MED1: variants seen among roughly 807,000 people sequenced by gnomAD.
MED1 encodes the protein mediator of RNA polymerase II transcription subunit 1.
In MED1, 17 loss-of-function variants were observed where a neutral mutation model predicts 121.3. That is an observed-to-expected ratio of 0.14 (90% CI 0.10 to 0.21). The LOEUF is 0.21. Among genes scored for constraint, MED1 ranks in the 10% least tolerant of loss-of-function variants. The pLI is 1.00. For missense variants in MED1, 1,558 were observed against 1,919.4 expected (o/e 0.81, Z 3.52); for synonymous variants, 661 against 694.4 (o/e 0.95, Z 0.76).
intron 6 of MED1, among the ~76,000 whole-genome samples, chr17:39,437,151 C>T (rs1331270438): frequency 1.3e-5 from 2 of 152,146 alleles, no homozygotes; most frequent in African/African-American, 4.8e-5. Flanking sequence ...AGGCTGGTCT[C>T]GAACTCCTGA....
chr17:39,446,194 T>C (rs2048725295), intron 2 of MED1, among the ~76,000 whole-genome samples: 2 of 151,982 alleles, frequency 1.3e-5, no homozygotes, highest in South Asian at 4.1e-4. Context: ...GCTACGCCTG[T>C]AATCCCAGCA....
At position 39,410,193 on chromosome 17, in the gene MED1, G is replaced by A. The variant is rs867557488; in HGVS notation, c.2028C>T (p.Pro676=). Residue 676 remains proline (P), a synonymous_variant, in exon 17 of 17, where the codon CCC becomes CCT. Transcript: ENST00000300651. ...TGCTCCCCGAGCATATTTCCATGCG[G>A]GGTGAGCCGGAAGAGGAGTTCTGCC... ...LERQNSSSGS[P]RMEICSGSNK... 2 of 1,613,930 alleles carry A rather than the reference G, an allele frequency of 1.2e-6. No individual in the cohort carries two copies. The highest frequency in any genetic ancestry group is 2.2e-5 in the East Asian group (1 of 44,898).
chr17:39,417,302 C>A (rs1410979697), intron 14 of MED1, among the ~76,000 whole-genome samples: 1 of 150,878 alleles, frequency 6.6e-6, no homozygotes, highest in Non-Finnish European at 1.5e-5. Flanking sequence ...TGCACTCCAG[C>A]CTGGGTGACC....
In MED1 at chr17:39,445,906, G is replaced by A. The variant is rs189612261; in HGVS notation, c.132+1892C>T. Among the ~76,000 whole-genome samples, 128 of 151,810 alleles carry A rather than the reference G, an allele frequency of 8.4e-4. 2 individuals carry two copies. The highest frequency in any genetic ancestry group is 2.7e-3 in the African/African-American group (111 of 41,396). ...TAACTGGGCATGGTGGCGGATGCCT[G>A]TAATACCAGCTACTCAGGAGGCTGG... On this transcript the variant is annotated intron_variant, in intron 2 of 16. Coordinates refer to ENST00000300651, the MANE Select transcript of MED1 (RefSeq NM_004774.4).
At chr17:39,419,064 C>CGTGAGCCACCACACCTGGCCATCATCTGT (rs1448132066) in intron 14 of MED1, among the ~76,000 whole-genome samples, 1 of 152,028 alleles carries the variant, frequency 6.6e-6, no homozygotes, top group African/African-American at 2.4e-5. Flanking sequence ...GGATTACAGG[C>CGTGAGCCACCACACCTGGCCATCATCTGT]ACAAACCACT....
At position 39,410,320 on chromosome 17, in the gene MED1, G is replaced by A. The variant is rs769487771; in HGVS notation, c.1901C>T (p.Ser634Leu). Reference sequence around the variant, plus strand: ...GTGGTTCTTGGTGTTGCCGGCCATCGAAGAGACAGGTGGCGGCGTGTGATG... The same window carrying A: ...GTGGTTCTTGGTGTTGCCGGCCATCAAAGAGACAGGTGGCGGCGTGTGATG... ...PPHHTPPPVS[S>L]MAGNTKNHPM... The change falls in exon 17 of 17, where the codon TCG becomes TTG. Residue 634 changes from serine (S) to leucine (L), a missense_variant. Ser to Leu is a moderately radical substitution (Grantham distance 145). Around this residue, in one of 5 missense-constraint regions of MED1, gnomAD observed 793 missense variants for 898.2 expected, o/e 0.88. Transcript: ENST00000300651. The A allele has an allele frequency of 9.3e-6, 15 of 1,613,942 alleles. No homozygotes were observed. The highest frequency in any genetic ancestry group is 3.3e-5 in the South Asian group (3 of 91,028).
Position 39,406,678 on chromosome 17 carries a change from C to A in MED1, c.*797G>T, listed in dbSNP as rs914649502. 1.0e-6 allele frequency: 1 copy of A among 984,046 alleles called. No homozygotes were observed. 61.0% of individuals were successfully genotyped at this position (984,046 alleles called of 1,614,324 possible). A position where few individuals can be genotyped will look rare whatever the true frequency, so the allele number is the denominator to read the frequency against. On this transcript the variant is annotated 3_prime_UTR_variant, in exon 17 of 17. Transcript: ENST00000300651. ...TTAAACCCTCCTAAAATAAAAATAT[C>A]ATTTTGGTTTTTCTATTATATTTAA...
rs1328165340 is a variant in MED1 at position 39,447,812 on chromosome 17, C to A, written c.118G>T (p.Val40Leu). The change falls in exon 2 of 17, where the codon GTG becomes TTG. Residue 40 changes from valine (V) to leucine (L), a missense_variant. By Grantham distance (32) the Val-to-Leu change is conservative. Transcript: ENST00000300651. ...ACAATCCTTACCATGACTTGACGCA[C>A]AAGCTTAATGGTTTCACTCCAGGGT... ...NRPWSETIKL[V>L]RQVMEKRVVM... The A allele has an allele frequency of 6.2e-7, 1 of 1,612,350 alleles. No individual in the cohort carries two copies. Among genetic ancestry groups the A allele is most frequent in the Admixed American group, 1.7e-5 (1 of 59,860 alleles).
In MED1 at chr17:39,424,226, A is replaced by T. The variant is rs551033728; in HGVS notation, c.851+401T>A. Among the ~76,000 whole-genome samples the T allele has an allele frequency of 4.6e-5, 7 of 152,264 alleles. No homozygotes were observed. The East Asian group carries it at 1.4e-3, about 29-fold the overall frequency. On this transcript the variant is annotated intron_variant, in intron 11 of 16. Coordinates refer to ENST00000300651, the MANE Select transcript of MED1 (RefSeq NM_004774.4). ...ACATGTATGTATCACACAGACACAT[A>T]AGTACAAACTCTCAAAAGCTCACTC...
In MED1 at chr17:39,409,851, A is replaced by G. The variant is rs755369320; in HGVS notation, c.2370T>C (p.Ala790=). 6.2e-7 allele frequency: 1 copy of G among 1,614,208 alleles called. No individual in the cohort carries two copies. The highest frequency in any genetic ancestry group is 8.5e-7 in the Non-Finnish European group (1 of 1,180,044). Residue 790 remains alanine (A), a synonymous_variant, in exon 17 of 17, where the codon GCT becomes GCC. Coordinates refer to ENST00000300651, the MANE Select transcript of MED1 (RefSeq NM_004774.4). ...CATCACTAGTGCTGGGAAGTTTAGA[A>G]GCTTCTTCTGCAATGTCTGAAAGGA... ...TDILSDIAEE[A]SKLPSTSDDC...
At chr17:39,417,445 G>A (rs182177685) in intron 14 of MED1, among the ~76,000 whole-genome samples, 132 of 151,976 alleles carry the variant, frequency 8.7e-4, no homozygotes, top group Non-Finnish European at 1.6e-3. Flanking sequence ...TGGCCAACAC[G>A]GTGACACCCC....
chr17:39,422,911 G>A (rs1164885596), intron 13 of MED1, among the ~76,000 whole-genome samples: 2 of 136,318 alleles, frequency 1.5e-5, no homozygotes, highest in Non-Finnish European at 3.1e-5. Flanking sequence ...TGTCACCCAG[G>A]CTGGAGCACA....
chr17:39,440,753 T>C lies in MED1; in HGVS notation c.212-76A>G. The C allele has an allele frequency of 7.3e-7, 1 of 1,369,662 alleles. No individual in the cohort carries two copies. The highest frequency in any genetic ancestry group is 1.0e-6 in the Non-Finnish European group (1 of 977,606). 84.8% of individuals were successfully genotyped at this position (1,369,662 alleles called of 1,614,324 possible). ...ATGATATTCTTTTAAGACAGAAAGA[T>C]TCATCCTTCCAAAACCGTAAACATA... On this transcript the variant is annotated intron_variant, in intron 3 of 16. Transcript: ENST00000300651. The surrounding 1 kb of genome is among the most constrained non-coding windows in gnomAD (Gnocchi z 4.1).
intron 3 of MED1, among the ~76,000 whole-genome samples, chr17:39,441,985 C>T (rs2048679434): frequency 1.3e-5 from 2 of 151,562 alleles, no homozygotes; most frequent in Admixed American, 1.3e-4. Flanking sequence ...CGCCTGTAAT[C>T]CCAGTTACTC....
At chr17:39,421,316 C>T (rs1310717443) in intron 13 of MED1, among the ~76,000 whole-genome samples, 5 of 150,186 alleles carry the variant, frequency 3.3e-5, no homozygotes, top group Non-Finnish European at 7.4e-5. Context: ...CTTTGGGAGG[C>T]GGAGTAGGGT....
chr17:39,409,841 G>C lies in MED1; in HGVS notation c.2380C>G (p.Pro794Ala), dbSNP rs766847833. Residue 794 changes from proline to alanine, a missense_variant, in exon 17 of 17, where the codon CCC (proline) becomes GCC (alanine). Physicochemically the swap from Pro to Ala is conservative, Grantham distance 27. Coordinates refer to ENST00000300651, the MANE Select transcript of MED1 (RefSeq NM_004774.4). Reference protein sequence around the residue: ...SDIAEEASKLPSTSDDCPAIG... With the variant: ...SDIAEEASKLASTSDDCPAIG... ...GCTGGGCAATCATCACTAGTGCTGGGAAGTTTAGAAGCTTCTTCTGCAATG... is the reference window on the plus strand; with the variant it reads ...GCTGGGCAATCATCACTAGTGCTGGCAAGTTTAGAAGCTTCTTCTGCAATG... The C allele has an allele frequency of 1.2e-6, 2 of 1,614,206 alleles. No homozygotes were observed. Among genetic ancestry groups the C allele is most frequent in the Non-Finnish European group, 1.7e-6 (2 of 1,180,040 alleles).
In MED1 at chr17:39,407,635, T is replaced by C. The variant is rs1485420475; in HGVS notation, c.4586A>G (p.Lys1529Arg). ...DRDKKKSHSI[K>R]PESWSKSPIS... ...GGGTGATTTGGACCAACTCTCTGGC[T>C]TGATGCTATGAGATTTTTTCTTGTC... The change falls in exon 17 of 17, where the codon AAG becomes AGG. Residue 1529 changes from lysine to arginine, a missense_variant. Physicochemically the swap from Lys to Arg is conservative, Grantham distance 26 (BLOSUM62 2). This residue lies in a region of MED1 where 264 missense variants were observed against 326.1 expected (regional missense o/e 0.81). Transcript: ENST00000300651. 2 of 1,614,186 alleles carry C rather than the reference T, an allele frequency of 1.2e-6. No individual in the cohort carries two copies. Among genetic ancestry groups the C allele is most frequent in the African/African-American group, 1.3e-5 (1 of 75,050 alleles).
At position 39,409,393 on chromosome 17, in the gene MED1, G is replaced by C; in HGVS notation, c.2828C>G (p.Pro943Arg). The change falls in exon 17 of 17, where the codon CCT becomes CGT. Residue 943 changes from proline (P) to arginine (R), a missense_variant. Transcript: ENST00000300651. ...ACTGTGATGCTCCATAAGATCTGCAGGAGCTAAAGCTTTGCCGGCTACTGA... is the reference window on the plus strand; with the variant it reads ...ACTGTGATGCTCCATAAGATCTGCACGAGCTAAAGCTTTGCCGGCTACTGA... ...IISVAGKALAPADLMEHHSGS... is the reference protein window; with the variant it reads ...IISVAGKALARADLMEHHSGS... The C allele has an allele frequency of 6.2e-7, 1 of 1,614,140 alleles. No individual in the cohort carries two copies. The highest frequency in any genetic ancestry group is 1.1e-5 in the South Asian group (1 of 91,076).
intron 14 of MED1, among the ~76,000 whole-genome samples, chr17:39,417,189 G>C (rs2048417776): frequency 6.6e-6 from 1 of 152,100 alleles, no homozygotes; most frequent in South Asian, 2.1e-4. Context: ...GATTAGCCTG[G>C]CATGGTGGTG....
Sources: allele counts gnomAD v4.1 joint callset (sites outside exome capture counted in the v4.1 genomes callset), GRCh38; gene constraint gnomAD v4.1.1; regional missense constraint gnomAD v4.1.1; non-coding constraint Gnocchi (gnomAD v3.1); transcripts MANE v1.5; gene names NCBI Gene and HGNC (gene_info 2026-07-23, HGNC 2026-07-21).